Variants in PTDSS1 observed in about 807,000 individuals in gnomAD.
PTDSS1 encodes PSS-1.
Under a neutral mutation model 70.5 loss-of-function variants are expected in PTDSS1, and 45 were observed. The ratio of observed to expected loss-of-function variants is 0.64; its 90% CI spans 0.50 to 0.82. The LOEUF (loss-of-function observed/expected upper bound fraction) is 0.82, where lower values mean the gene tolerates loss of function less well. Among genes scored for constraint, PTDSS1 ranks in the 40% least tolerant of loss-of-function variants. The pLI is 0.00. For synonymous variants in PTDSS1, 188 were observed against 203.8 expected (o/e 0.92, Z 0.66); for missense variants, 417 against 586.1 (o/e 0.71, Z 2.98).
intron 2 of PTDSS1, among the ~76,000 whole-genome samples, chr8:96,278,037 G>A (rs914033821): frequency 3.3e-5 from 5 of 152,212 alleles, no homozygotes; most frequent in African/African-American, 9.6e-5. Flanking sequence ...CTGTTCTGCC[G>A]TCTTCTAGGC....
intron 5 of PTDSS1, among the ~76,000 whole-genome samples, chr8:96,297,764 A>G (rs1380434272): frequency 6.6e-6 from 1 of 151,816 alleles, no homozygotes; most frequent in Non-Finnish European, 1.5e-5. Flanking sequence ...ACACCTCGCC[A>G]CTCTCCTTTG....
At chr8:96,285,987 AT>A (rs956052557) in intron 3 of PTDSS1, among the ~76,000 whole-genome samples, 1 of 152,148 alleles carries the variant, frequency 6.6e-6, no homozygotes, top group African/African-American at 2.4e-5. Flanking sequence ...AGGATGCACA[AT>A]TATGGGCTGG....
chr8:96,290,910 T>C lies in PTDSS1; in HGVS notation c.441+3764T>C, dbSNP rs1050484615. 6.1e-5 allele frequency among the ~76,000 whole-genome samples: 9 copies of C among 148,060 alleles called. No individual in the cohort carries two copies. The Admixed American group carries it at 6.1e-4, about 10-fold the overall frequency. ...ATATTATAAATATTATAAACATTTA[T>C]AAAATATTATAAATCCCTTAGAATT... On this transcript the variant is annotated intron_variant, in intron 4 of 12. Coordinates refer to ENST00000517309, the MANE Select transcript of PTDSS1 (RefSeq NM_014754.3).
intron 9 of PTDSS1, among the ~76,000 whole-genome samples, chr8:96,315,700 C>T (rs555447096): frequency 6.6e-6 from 1 of 152,162 alleles, no homozygotes; most frequent in East Asian, 1.9e-4. Context: ...AGCAGAAGCA[C>T]CTCAGGCTGC....
At chr8:96,269,194 A>ACAGCCAGCATTCCAGAAGCCCT (rs1810527619) in intron 1 of PTDSS1, among the ~76,000 whole-genome samples, 1 of 152,226 alleles carries the variant, frequency 6.6e-6, no homozygotes, top group South Asian at 2.1e-4. Flanking sequence ...ATCTTGACCT[A>ACAGCCAGCATTCCAGAAGCCCT]CAGCCAGCAT....
chr8:96,319,289 A>T (rs1811341579), intron 9 of PTDSS1, among the ~76,000 whole-genome samples: 1 of 152,094 alleles, frequency 6.6e-6, no homozygotes, highest in African/African-American at 2.4e-5. Flanking sequence ...TGAGCAAGGA[A>T]TGCATAAAAT....
intron 4 of PTDSS1, 63 bp downstream of exon 4, chr8:96,287,209 A>G: frequency 6.4e-7 from 1 of 1,565,338 alleles, no homozygotes; most frequent in South Asian, 1.2e-5. Flanking sequence ...GTAAGAGGTA[A>G]TAGACTTGAC....
In PTDSS1 at chr8:96,299,217, A is replaced by G. The variant is rs568991596; in HGVS notation, c.601-477A>G. 2.9e-4 allele frequency among the ~76,000 whole-genome samples: 44 copies of G among 152,302 alleles called. 2 individuals carry two copies. In the South Asian group the frequency reaches 9.1e-3, roughly 32 times the overall value. On this transcript the variant is annotated intron_variant, in intron 5 of 12. Coordinates refer to ENST00000517309, the MANE Select transcript of PTDSS1 (RefSeq NM_014754.3). ...TCATGCTTCCTACATCGTGTCATCAAGAGCTAACTGTTCTTTTACAACTTA... is the reference window on the plus strand; with the variant it reads ...TCATGCTTCCTACATCGTGTCATCAGGAGCTAACTGTTCTTTTACAACTTA...
intron 9 of PTDSS1, 60 bp from the exon 10 acceptor site, chr8:96,320,186 A>G: frequency 2.1e-6 from 3 of 1,404,784 alleles, no homozygotes; most frequent in Middle Eastern, 1.8e-4. Flanking sequence ...CATATTTTGG[A>G]TAAAGTGTAT....
rs560866354 is a variant in PTDSS1, at chr8:96,270,627, C to T, written c.180-2672C>T. ...TAGTCTGATAGGACTCACATGGCTTCGTAAACTCACTCTCCTATCCCCTAA... is the reference window on the plus strand; with the variant it reads ...TAGTCTGATAGGACTCACATGGCTTTGTAAACTCACTCTCCTATCCCCTAA... On this transcript the variant is annotated intron_variant, in intron 1 of 12. Transcript: ENST00000517309. Among the ~76,000 whole-genome samples, 27 of 152,278 alleles carry T rather than the reference C, an allele frequency of 1.8e-4. No individual in the cohort carries two copies. In the South Asian group the frequency reaches 3.5e-3, roughly 20 times the overall value.
intron 10 of PTDSS1, among the ~76,000 whole-genome samples, chr8:96,322,248 A>C (rs1811382505): frequency 6.6e-6 from 1 of 152,172 alleles, no homozygotes; most frequent in African/African-American, 2.4e-5. Context: ...TCCCTGTCTT[A>C]GTCCATTTTC....
chr8:96,308,008 A>G lies in PTDSS1; in HGVS notation c.1007+1452A>G, dbSNP rs1028405388. On this transcript the variant is annotated intron_variant, in intron 8 of 12. Coordinates refer to ENST00000517309, the MANE Select transcript of PTDSS1 (RefSeq NM_014754.3). ...CCTTACACTGTTTGAGGCAGTTCCC[A>G]TGTAAGGAGTTTCTTTGACAAGTTA... Among the ~76,000 whole-genome samples, 5 of 152,288 alleles carry G rather than the reference A, an allele frequency of 3.3e-5. No homozygotes were observed. In the East Asian group the frequency reaches 9.7e-4, roughly 29 times the overall value.
intron 2 of PTDSS1, chr8:96,283,682 C>T (rs1174562499): frequency 1.2e-5 from 2 of 164,856 alleles, no homozygotes; most frequent in South Asian, 1.7e-4. Flanking sequence ...CACATGCAAA[C>T]GCACACACAT....
intron 9 of PTDSS1, among the ~76,000 whole-genome samples, chr8:96,317,098 C>CAG (rs1204900178): frequency 1.3e-5 from 2 of 148,566 alleles, no homozygotes; most frequent in African/African-American, 5.0e-5. Context: ...GAGAGAGAGA[C>CAG]AGAGAGAGAG....
chr8:96,306,420 G>A lies in PTDSS1; in HGVS notation c.895-24G>A, dbSNP rs374891168. The stretch of plus-strand genomic sequence containing the variant: ...TTGAATTAGCATGAGGTACCAGGTT[G>A]ACTAATTTCTCCGTCTTTTTCAGCT... On this transcript the variant is annotated intron_variant, in intron 7 of 12. Transcript: ENST00000517309. 14 of 1,540,236 alleles carry A rather than the reference G, an allele frequency of 9.1e-6. No homozygotes were observed. The African/African-American group carries it at 1.8e-4, about 19-fold the overall frequency.
At chr8:96,295,967 C>T (rs1051433098) in intron 5 of PTDSS1, among the ~76,000 whole-genome samples, 4 of 151,952 alleles carry the variant, frequency 2.6e-5, no homozygotes, top group Non-Finnish European at 5.9e-5. Flanking sequence ...AAGATCAAAG[C>T]GTCGGCAGGA....
intron 1 of PTDSS1, among the ~76,000 whole-genome samples, chr8:96,266,748 C>T (rs1355397298): frequency 7.2e-5 from 11 of 152,312 alleles, no homozygotes; most frequent in Admixed American, 6.5e-4. Context: ...TTAGGTTGCA[C>T]CTGAGGTCCA....
intron 2 of PTDSS1, among the ~76,000 whole-genome samples, chr8:96,277,820 A>C (rs967520123): frequency 3.9e-5 from 6 of 152,254 alleles, no homozygotes; most frequent in Non-Finnish European, 7.3e-5. Context: ...TAAATAACAA[A>C]AAAGACCTTT....
At chr8:96,302,273 C>T (rs1811060985) in intron 6 of PTDSS1, among the ~76,000 whole-genome samples, 1 of 152,118 alleles carries the variant, frequency 6.6e-6, no homozygotes, top group Non-Finnish European at 1.5e-5. Context: ...CTCAGGTGAT[C>T]TGCCTTACTC....
Sources: gnomAD v4.1 joint callset for allele counts (sites outside exome capture counted in the v4.1 genomes callset) on GRCh38, gnomAD v4.1.1 for gene constraint, MANE v1.5 for transcripts, NCBI Gene and HGNC (gene_info 2026-07-23, HGNC 2026-07-21) for gene names.